Variants in PCDHGA1 observed in about 807,000 individuals in gnomAD.
PCDHGA1 encodes the protein protocadherin gamma subfamily A, 1, also known as protocadherin gamma-A1.
In PCDHGA1, 32 loss-of-function variants were observed where a neutral mutation model predicts 58.0. The ratio of observed to expected loss-of-function variants is 0.55; its 90% CI spans 0.42 to 0.74. The LOEUF (loss-of-function observed/expected upper bound fraction) is 0.74. Among genes scored for constraint, PCDHGA1 ranks in the 30% least tolerant of loss-of-function variants. The pLI, the probability that PCDHGA1 is intolerant of heterozygous loss-of-function variation, is 0.00. For synonymous variants in PCDHGA1, 498 were observed against 501.1 expected (o/e 0.99, Z 0.08); for missense variants, 1,205 against 1,182.3 (o/e 1.02, Z -0.28).
rs779718690 is a variant in PCDHGA1, at chr5:141,421,727, C to G, written c.2422-73080C>G. ...AGGGATCCAGATGTGGGCGTGAACT[C>G]CCTCCAGAGCTACCAGCTCAGCCCT... On this transcript the variant is annotated intron_variant, in intron 1 of 3. Coordinates refer to ENST00000517417, the MANE Select transcript of PCDHGA1 (RefSeq NM_018912.3). The G allele has an allele frequency of 1.9e-6, 3 of 1,613,916 alleles. No individual in the cohort carries two copies. In the East Asian group the frequency reaches 6.7e-5, roughly 36 times the overall value.
chr5:141,372,087 C>G, intron 1 of PCDHGA1: 2 of 1,613,740 alleles, frequency 1.2e-6, no homozygotes, highest in Non-Finnish European at 1.7e-6. Flanking sequence ...GGTGCTGTAC[C>G]CAGCTCTGGG....
At chr5:141,462,651 CA>C (rs60282352) in intron 1 of PCDHGA1, among the ~76,000 whole-genome samples, 42,411 of 152,004 alleles carry the variant, frequency 0.28, 6,634 homozygotes, top group African/African-American at 0.43. Flanking sequence ...TTTCCATCCT[CA>C]ATTATCTTCA....
chr5:141,368,472 A>G (rs1765672364), intron 1 of PCDHGA1, among the ~76,000 whole-genome samples: 1 of 152,196 alleles, frequency 6.6e-6, no homozygotes, highest in South Asian at 2.1e-4. Flanking sequence ...ATGCATCCAA[A>G]GAGTAACAAG....
Position 141,491,508 on chromosome 5 carries a change from G to A in PCDHGA1, c.2422-3299G>A. The A allele has an allele frequency of 6.2e-7, 1 of 1,614,030 alleles. No individual in the cohort carries two copies. The highest frequency in any genetic ancestry group is 8.5e-7 in the Non-Finnish European group (1 of 1,180,014). The stretch of plus-strand genomic sequence containing the variant: ...ACCTGCAGGTGAGCTCGGACGGCAC[G>A]CTCAAGTACATGGAGGTGACGCTGC... On this transcript the variant is annotated intron_variant, in intron 1 of 3. Transcript: ENST00000517417. This position sits in a 1 kb window ranked among gnomAD's most constrained non-coding sequence, Gnocchi z 6.9.
At chr5:141,464,729 G>T (rs1412585185) in intron 1 of PCDHGA1, among the ~76,000 whole-genome samples, 1 of 151,948 alleles carries the variant, frequency 6.6e-6, no homozygotes, top group Non-Finnish European at 1.5e-5. Context: ...ATGTTTAAAA[G>T]CCAGTTTATA....
chr5:141,397,919 C>G (rs1158998805), intron 1 of PCDHGA1: 2 of 723,460 alleles, frequency 2.8e-6, no homozygotes, highest in East Asian at 5.5e-5. Flanking sequence ...TCCAGATCTC[C>G]TCGCGCAGCC....
At chr5:141,366,019 G>T in intron 1 of PCDHGA1, 2 of 1,614,226 alleles carry the variant, frequency 1.2e-6, no homozygotes, top group South Asian at 2.2e-5. Flanking sequence ...CTGAGATCCT[G>T]TACCCCGCCC....
chr5:141,431,227 C>A lies in PCDHGA1; in HGVS notation c.2422-63580C>A, dbSNP rs759752051. On this transcript the variant is annotated intron_variant, in intron 1 of 3. Transcript: ENST00000517417. This position sits in a 1 kb window ranked among gnomAD's most constrained non-coding sequence, Gnocchi z 4.8. Reference sequence around the variant, plus strand: ...CTGAGATGCGGTTCCCTCTACCCCACGCCTGGGATCCGGATATCGGGAAGA... The same window carrying A: ...CTGAGATGCGGTTCCCTCTACCCCAAGCCTGGGATCCGGATATCGGGAAGA... 6.2e-7 allele frequency: 1 copy of A among 1,614,180 alleles called. No homozygotes were observed. The highest frequency in any genetic ancestry group is 8.5e-7 in the Non-Finnish European group (1 of 1,180,042).
intron 1 of PCDHGA1, chr5:141,422,951 G>C (rs1382138030): frequency 3.7e-6 from 6 of 1,614,236 alleles, no homozygotes; most frequent in South Asian, 3.3e-5. Flanking sequence ...GGCTCCACTG[G>C]CGTGGAGCTG....
At chr5:141,429,523 A>G (rs1009016050) in intron 1 of PCDHGA1, among the ~76,000 whole-genome samples, 1 of 152,174 alleles carries the variant, frequency 6.6e-6, no homozygotes, top group Non-Finnish European at 1.5e-5. Context: ...CAGAGAAAAA[A>G]GCTTAAAAAA....
intron 1 of PCDHGA1, chr5:141,356,347 A>C (rs1480466141): frequency 7.7e-6 from 12 of 1,555,580 alleles, no homozygotes; most frequent in Admixed American, 2.0e-5. Context: ...TGGCCTAGTC[A>C]CATGTTCTAT....
In PCDHGA1 at chr5:141,491,679, T is replaced by G. The variant is rs111288145; in HGVS notation, c.2422-3128T>G. 1 of 1,613,496 alleles carries G rather than the reference T, an allele frequency of 6.2e-7. No individual in the cohort carries two copies. Among genetic ancestry groups the G allele is most frequent in the Non-Finnish European group, 8.5e-7 (1 of 1,179,828 alleles). On this transcript the variant is annotated intron_variant, in intron 1 of 3. Coordinates refer to ENST00000517417, the MANE Select transcript of PCDHGA1 (RefSeq NM_018912.3). The surrounding 1 kb of genome is among the most constrained non-coding windows in gnomAD (Gnocchi z 6.9). ...CTGACGCCATCCGGTCCCGCTCTAA[T>G]ACGCTGCGGGAGCGGAGCCAGGTGA...
At chr5:141,346,021 C>A (rs773863555) in intron 1 of PCDHGA1, 6 of 1,613,366 alleles carry the variant, frequency 3.7e-6, no homozygotes, top group Non-Finnish European at 4.2e-6. Context: ...CTCACCGTGG[C>A]CGTGGCCGAC....
At position 141,432,299 on chromosome 5, in the gene PCDHGA1, C is replaced by G; in HGVS notation, c.2422-62508C>G. ...GTCCATCAACTCCGACACTGGGGTA[C>G]TGTATGCGCTGAGCTCCTTCGACTA... is the stretch of plus-strand genomic sequence containing the variant. On this transcript the variant is annotated intron_variant, in intron 1 of 3. Transcript: ENST00000517417. This position sits in a 1 kb window ranked among gnomAD's most constrained non-coding sequence, Gnocchi z 6.0. The G allele has an allele frequency of 2.5e-6, 4 of 1,614,278 alleles. No homozygotes were observed. The highest frequency in any genetic ancestry group is 3.4e-6 in the Non-Finnish European group (4 of 1,180,056).
At chr5:141,374,879 G>A in intron 1 of PCDHGA1, 1 of 1,613,694 alleles carries the variant, frequency 6.2e-7, no homozygotes, top group Non-Finnish European at 8.5e-7. Flanking sequence ...GGCAGTGACT[G>A]CCACCGACCA....
chr5:141,444,710 T>A (rs2098445001), intron 1 of PCDHGA1, among the ~76,000 whole-genome samples: 1 of 152,236 alleles, frequency 6.6e-6, no homozygotes, highest in Admixed American at 6.5e-5. Flanking sequence ...TTCTGTTGAA[T>A]TTGCTTGGTG....
chr5:141,422,150 T>A (rs773805631), intron 1 of PCDHGA1: 1 of 1,577,174 alleles, frequency 6.3e-7, no homozygotes, highest in Non-Finnish European at 8.6e-7. Context: ...CGGGGGTCTC[T>A]GGATTTTGAA....
intron 1 of PCDHGA1, chr5:141,419,345 C>T (rs111954647): frequency 6.2e-6 from 10 of 1,613,858 alleles, no homozygotes; most frequent in African/African-American, 2.7e-5. Flanking sequence ...TGCCAGCGAC[C>T]TGGAGTCACG....
At chr5:141,398,683 C>T (rs910361681) in intron 1 of PCDHGA1, 1 of 1,613,796 alleles carries the variant, frequency 6.2e-7, no homozygotes, top group African/African-American at 1.3e-5. Flanking sequence ...TAAGGAGAAA[C>T]AGGATGGTAG....
Sources: allele counts gnomAD v4.1 joint callset (sites outside exome capture counted in the v4.1 genomes callset), GRCh38; gene constraint gnomAD v4.1.1; non-coding constraint Gnocchi (gnomAD v3.1); transcripts MANE v1.5; gene names NCBI Gene and HGNC (gene_info 2026-07-23, HGNC 2026-07-21).